The following EFR3B variants were observed in gnomAD, a reference collection of about 807,000 sequenced individuals.
EFR3B encodes protein EFR3 homolog B.
In EFR3B, 64 loss-of-function variants were observed where a neutral mutation model predicts 104.7. That is an observed-to-expected ratio of 0.61 (90% confidence interval 0.50 to 0.75). EFR3B has a LOEUF of 0.75. Among genes scored for constraint, EFR3B ranks in the 30% least tolerant of loss-of-function variants. EFR3B has a pLI of 0.00. For synonymous variants in EFR3B, 385 were observed against 417.9 expected (o/e 0.92, Z 0.96); for missense variants, 750 against 1,078.5 (o/e 0.70, Z 4.27).
At chr2:25,047,197 C>G (rs575496944) in intron 1 of EFR3B, among the ~76,000 whole-genome samples, 3 of 152,234 alleles carry the variant, frequency 2.0e-5, no homozygotes, top group Admixed American at 2.0e-4. Flanking sequence ...TTAAAGCAAC[C>G]TTCTATCTAT....
chr2:25,059,096 G>A (rs1462647732), intron 1 of EFR3B, among the ~76,000 whole-genome samples: 3 of 151,212 alleles, frequency 2.0e-5, no homozygotes, highest in Admixed American at 6.6e-5. Context: ...GTGTATGATA[G>A]AATATTATTC....
intron 6 of EFR3B, among the ~76,000 whole-genome samples, chr2:25,129,442 C>G (rs971631930): frequency 6.9e-6 from 1 of 144,424 alleles, no homozygotes; most frequent in South Asian, 2.3e-4. Flanking sequence ...CTGCTGTGGT[C>G]TCTGGGCTGG....
intron 4 of EFR3B, among the ~76,000 whole-genome samples, chr2:25,105,062 T>C (rs1669526713): frequency 6.6e-6 from 1 of 152,238 alleles, no homozygotes; most frequent in Admixed American, 6.5e-5. Context: ...ACAACTATTT[T>C]ACAGATCTTA....
intron 5 of EFR3B, among the ~76,000 whole-genome samples, chr2:25,124,278 G>GT (rs1670101380): frequency 5.1e-4 from 1 of 1,948 alleles, no homozygotes; most frequent in Non-Finnish European, 1.0e-3. Context: ...GTGCATGCAA[G>GT]TGTGTGTGTG....
At chr2:25,073,376 T>TA (rs1668547760) in intron 1 of EFR3B, among the ~76,000 whole-genome samples, 1 of 151,564 alleles carries the variant, frequency 6.6e-6, no homozygotes, top group Non-Finnish European at 1.5e-5. Context: ...TTTTTTTTTT[T>TA]AGACAGAGTG....
At chr2:25,043,211 G>A (rs1667621599) in intron 1 of EFR3B, among the ~76,000 whole-genome samples, 2 of 152,126 alleles carry the variant, frequency 1.3e-5, no homozygotes, top group Non-Finnish European at 2.9e-5. Flanking sequence ...GTAGACATAA[G>A]TCCATGAAAA....
At chr2:25,096,819 G>T (rs1669291198) in intron 3 of EFR3B, among the ~76,000 whole-genome samples, 1 of 152,164 alleles carries the variant, frequency 6.6e-6, no homozygotes, top group Non-Finnish European at 1.5e-5. Context: ...ATGGGGTGGA[G>T]AGGTCTAGAA....
At chr2:25,090,068 TTAAAG>T (rs1669070192) in intron 1 of EFR3B, among the ~76,000 whole-genome samples, 1 of 151,310 alleles carries the variant, frequency 6.6e-6, no homozygotes, top group Non-Finnish European at 1.5e-5. Flanking sequence ...TCTTTTGTGA[TTAAAG>T]TAATTCCCAA....
At chr2:25,145,166 C>A in intron 19 of EFR3B, 115 bp downstream of exon 19, 1 of 902,206 alleles carries the variant, frequency 1.1e-6, no homozygotes, top group Non-Finnish European at 1.8e-6. Flanking sequence ...GCAAGTTTCT[C>A]GAGTAATTCC....
intron 1 of EFR3B, chr2:25,081,647 T>C: frequency 3.1e-6 from 2 of 636,132 alleles, no homozygotes; most frequent in South Asian, 4.0e-5. Context: ...CCCCGAAGGG[T>C]AGCTGCGGCC....
At position 25,131,262 on chromosome 2, in the gene EFR3B, G is replaced by T; in HGVS notation, c.850-106G>T. On this transcript the variant is annotated intron_variant, in intron 8 of 22. Transcript: ENST00000403714. This position sits in a 1 kb window ranked among gnomAD's most constrained non-coding sequence, Gnocchi z 7.6. ...GCCAACTGCAGTGCCCGGGGCCTTG[G>T]AACGTCCCTTTAGTTTACCCCCGCC... The T allele has an allele frequency of 6.9e-7, 1 of 1,443,946 alleles. No individual in the cohort carries two copies. Among genetic ancestry groups the T allele is most frequent in the South Asian group, 1.4e-5 (1 of 73,734 alleles). The allele number at this position is 1,443,946 out of a possible 1,614,324, so 89.4% of individuals were successfully genotyped here.
chr2:25,093,511 AAAAAGAAATAG>A (rs1435516151), intron 3 of EFR3B, among the ~76,000 whole-genome samples: 3 of 152,106 alleles, frequency 2.0e-5, no homozygotes, highest in Non-Finnish European at 4.4e-5. Context: ...AAAAGAAAAA[AAAAAGAAATAG>A]ATTATCAAAC....
chr2:25,104,060 C>T (rs188301984), intron 4 of EFR3B, among the ~76,000 whole-genome samples: 3 of 151,882 alleles, frequency 2.0e-5, no homozygotes, highest in East Asian at 1.9e-4. Context: ...TTTTAAACCC[C>T]GTGGTGGCCA....
At chr2:25,128,794 TA>T (rs556493534) in intron 6 of EFR3B, among the ~76,000 whole-genome samples, 4 of 147,614 alleles carry the variant, frequency 2.7e-5, no homozygotes, top group Admixed American at 6.7e-5. Context: ...GCGTCTCTAC[TA>T]AAAAAAAATG....
At chr2:25,084,958 G>A (rs140183725) in intron 1 of EFR3B, among the ~76,000 whole-genome samples, 2 of 152,254 alleles carry the variant, frequency 1.3e-5, no homozygotes, top group African/African-American at 2.4e-5. Context: ...TGATTTGGGG[G>A]CCCCAAGATT....
At chr2:25,138,856 C>T (rs780014387) in intron 15 of EFR3B, among the ~76,000 whole-genome samples, 26 of 152,176 alleles carry the variant, frequency 1.7e-4, no homozygotes, top group Non-Finnish European at 2.6e-4. Context: ...TCCCAGTTCA[C>T]GGACTGTTCT....
At chr2:25,096,581 C>G (rs114187516) in intron 3 of EFR3B, among the ~76,000 whole-genome samples, 56 of 152,312 alleles carry the variant, frequency 3.7e-4, no homozygotes, top group African/African-American at 1.3e-3. Context: ...TGCCTGTAAC[C>G]CAGCCAAGCC....
intron 1 of EFR3B, among the ~76,000 whole-genome samples, chr2:25,052,688 C>T (rs1048974440): frequency 3.3e-5 from 5 of 151,558 alleles, no homozygotes; most frequent in South Asian, 2.1e-4. Flanking sequence ...TATTTTTAGT[C>T]GAGACGGGGT....
chr2:25,048,211 G>A (rs905096509), intron 1 of EFR3B, among the ~76,000 whole-genome samples: 2 of 151,808 alleles, frequency 1.3e-5, no homozygotes, highest in African/African-American at 2.4e-5. Flanking sequence ...ATGGGGTCCC[G>A]CTATATTGCC....
Sources: gnomAD v4.1 joint callset for allele counts (sites outside exome capture counted in the v4.1 genomes callset) on GRCh38, gnomAD v4.1.1 for gene constraint, Gnocchi (gnomAD v3.1) non-coding constraint, MANE v1.5 for transcripts, NCBI Gene and HGNC (gene_info 2026-07-23, HGNC 2026-07-21) for gene names.